COL21A1: variants seen among roughly 807,000 people sequenced by gnomAD.
COL21A1 encodes the protein collagen alpha-1(XXI) chain.
Under a neutral mutation model 137.9 loss-of-function variants are expected in COL21A1, and 149 were observed. That is an observed-to-expected ratio of 1.08 (90% confidence interval 0.95 to 1.24). The LOEUF is 1.24. COL21A1 is among the 50% of genes most tolerant of loss of function. COL21A1 has a pLI of 0.00. For synonymous variants in COL21A1, 456 were observed against 391.5 expected, an observed-to-expected ratio of 1.16 and a Z score of -1.95; for missense variants, 1,167 against 1,158.4, an observed-to-expected ratio of 1.01 and a Z score of -0.11.
chr6:56,349,346 GAA>G (rs60307280), intron 1 of COL21A1, among the ~76,000 whole-genome samples: 44,560 of 146,778 alleles, frequency 0.3, 7,448 homozygotes, highest in East Asian at 0.72. Context: ...CCGCCCCCCT[GAA>G]AAAAAAAAAA....
intron 3 of COL21A1, among the ~76,000 whole-genome samples, chr6:56,171,490 T>C (rs906015396): frequency 5.9e-5 from 9 of 151,950 alleles, no homozygotes; most frequent in African/African-American, 1.9e-4. Flanking sequence ...GGATTTATCA[T>C]TCTCATCCAG....
intron 22 of COL21A1, among the ~76,000 whole-genome samples, chr6:56,067,819 A>G (rs924755427): frequency 6.6e-6 from 1 of 151,682 alleles, no homozygotes; most frequent in African/African-American, 2.4e-5. Flanking sequence ...ATTCCATAAA[A>G]ATAAGTTTTA....
intron 20 of COL21A1, among the ~76,000 whole-genome samples, chr6:56,073,464 G>A (rs79073012): frequency 0.01 from 1,526 of 151,288 alleles, 28 homozygotes; most frequent in African/African-American, 0.035. Context: ...CTACTCATAT[G>A]CCAGGGTCTA....
chr6:56,158,000 A>G (rs552928514), intron 9 of COL21A1, among the ~76,000 whole-genome samples: 4 of 152,330 alleles, frequency 2.6e-5, no homozygotes, highest in East Asian at 3.9e-4. Context: ...GTGTTGCCCA[A>G]TGGCCAGTAC....
intron 1 of COL21A1, among the ~76,000 whole-genome samples, chr6:56,187,386 T>C (rs1273734737): frequency 1.3e-5 from 2 of 152,182 alleles, no homozygotes; most frequent in Admixed American, 6.5e-5. Context: ...ACACTGGAGA[T>C]TAAGTTTCAA....
intron 1 of COL21A1, among the ~76,000 whole-genome samples, chr6:56,306,501 C>T (rs1000518669): frequency 6.6e-6 from 1 of 152,166 alleles, no homozygotes; most frequent in Non-Finnish European, 1.5e-5. Context: ...TCACTGATAC[C>T]CTTTCTTCCA....
chr6:56,105,815 A>G (rs1770836673), intron 16 of COL21A1, among the ~76,000 whole-genome samples: 1 of 152,234 alleles, frequency 6.6e-6, no homozygotes, highest in South Asian at 2.1e-4. Context: ...CCAATGAGTT[A>G]CGCCTTTTGT....
chr6:56,287,797 G>A (rs1240180893), intron 1 of COL21A1, among the ~76,000 whole-genome samples: 3 of 152,034 alleles, frequency 2.0e-5, no homozygotes, highest in African/African-American at 4.8e-5. Context: ...CAGATAGGCC[G>A]TAAGTAATCA....
Position 56,075,465 on chromosome 6 carries a change from T to C in COL21A1, c.1911+14A>G. On this transcript the variant is annotated intron_variant, in intron 19 of 29. Coordinates refer to ENST00000244728, the MANE Select transcript of COL21A1 (RefSeq NM_030820.4). ...CAAACACTTTGATGTATGATGATAATGACATCAACATACAGGCATCCCTGG... is the reference window on the plus strand; with the variant it reads ...CAAACACTTTGATGTATGATGATAACGACATCAACATACAGGCATCCCTGG... 6.5e-7 allele frequency: 1 copy of C among 1,531,986 alleles called. No homozygotes were observed. The highest frequency in any genetic ancestry group is 1.4e-5 in the African/African-American group (1 of 71,732). 94.9% of individuals were successfully genotyped at this position (1,531,986 alleles called of 1,614,324 possible).
chr6:56,272,510 C>T (rs1207947157), intron 1 of COL21A1, among the ~76,000 whole-genome samples: 1 of 152,174 alleles, frequency 6.6e-6, no homozygotes, highest in Non-Finnish European at 1.5e-5. Context: ...TGAGTTTAGA[C>T]TTTGCAGGAC....
chr6:56,257,356 T>C (rs1004562500), intron 1 of COL21A1, among the ~76,000 whole-genome samples: 2 of 152,188 alleles, frequency 1.3e-5, no homozygotes, highest in African/African-American at 4.8e-5. Context: ...TTTGGCATTA[T>C]GCAGCAGAAG....
chr6:56,266,021 C>T (rs1343438500), intron 1 of COL21A1, among the ~76,000 whole-genome samples: 2 of 152,172 alleles, frequency 1.3e-5, no homozygotes, highest in Non-Finnish European at 2.9e-5. Context: ...AAGCCTCTGT[C>T]CCAGTGCTTT....
intron 1 of COL21A1, among the ~76,000 whole-genome samples, chr6:56,297,167 T>C (rs914255576): frequency 2.0e-5 from 3 of 152,066 alleles, no homozygotes; most frequent in Non-Finnish European, 4.4e-5. Context: ...AATGACAACA[T>C]ATTTCAATAG....
At chr6:56,131,637 A>C (rs993312786) in intron 12 of COL21A1, among the ~76,000 whole-genome samples, 3 of 152,130 alleles carry the variant, frequency 2.0e-5, no homozygotes, top group African/African-American at 7.2e-5. Flanking sequence ...AAGTAAACAA[A>C]GAGTGTAGTG....
chr6:56,057,987 C>G, intron 29 of COL21A1, 143 bp from the exon 30 acceptor site: 3 of 553,594 alleles, frequency 5.4e-6, no homozygotes, highest in Non-Finnish European at 8.9e-6. Context: ...GAGGCATTTT[C>G]TTGATAATTC....
intron 1 of COL21A1, among the ~76,000 whole-genome samples, chr6:56,393,516 A>AAATCTTCTGCACAGCAAAGGAAACAATC (rs2094034111): frequency 6.6e-6 from 1 of 152,212 alleles, no homozygotes. Context: ...TTTAAGCTCA[A>AAATCTTCTGCACAGCAAAGGAAACAATC]AATCTTCTGC....
intron 24 of COL21A1, among the ~76,000 whole-genome samples, chr6:56,062,469 C>T (rs1765881826): frequency 6.6e-6 from 1 of 152,070 alleles, no homozygotes; most frequent in Non-Finnish European, 1.5e-5. Context: ...TCAAAAATCT[C>T]CTAATATTCA....
intron 1 of COL21A1, among the ~76,000 whole-genome samples, chr6:56,214,368 T>C (rs569790459): frequency 3.3e-5 from 5 of 152,092 alleles, no homozygotes; most frequent in Non-Finnish European, 5.9e-5. Flanking sequence ...GTGAAAAGCA[T>C]CTCACTGAAT....
At chr6:56,176,131 AAT>A (rs1212958068) in intron 3 of COL21A1, among the ~76,000 whole-genome samples, 1 of 152,164 alleles carries the variant, frequency 6.6e-6, no homozygotes, top group Non-Finnish European at 1.5e-5. Context: ...AACAACTCAA[AAT>A]AAAGACTTAA....
Sources: allele counts gnomAD v4.1 joint callset (sites outside exome capture counted in the v4.1 genomes callset), GRCh38; gene constraint gnomAD v4.1.1; transcripts MANE v1.5; gene names NCBI Gene and HGNC (gene_info 2026-07-23, HGNC 2026-07-21).